The following MSH5 variants were observed in gnomAD, a reference collection of about 807,000 sequenced individuals.
The protein encoded by MSH5 is mutS homolog 5, also known as mutS protein homolog 5.
Under a neutral mutation model 107.7 loss-of-function variants are expected in MSH5, and 78 were observed. The ratio of observed to expected loss-of-function variants is 0.72; its 90% confidence interval spans 0.60 to 0.87. The LOEUF (loss-of-function observed/expected upper bound fraction) is 0.87, where lower values mean the gene tolerates loss of function less well. MSH5 is among the 40% of genes least tolerant of loss of function. The pLI is 0.00. For synonymous variants in MSH5, 326 were observed against 399.5 expected (o/e 0.82, Z 2.19); for missense variants, 889 against 1,046.6 (o/e 0.85, Z 2.08).
chr6:31,744,514 C>T (rs774336054), intron 7 of MSH5, 32 bp from the exon 8 acceptor site: 1 of 1,613,362 alleles, frequency 6.2e-7, no homozygotes, highest in Non-Finnish European at 8.5e-7. Context: ...CGAACTCAGA[C>T]TGCTTCCTGC....
At chr6:31,744,139 CCCCCAGGAGATTTAAGATTTA>C in intron 6 of MSH5, 30 bp from the exon 7 acceptor site, 1 of 1,593,374 alleles carries the variant, frequency 6.3e-7, no homozygotes, top group Non-Finnish European at 8.5e-7. Context: ...TGCTCTGCAG[CCCCCAGGAGATTTAAGATTTA>C]CCCCGATTCC....
At chr6:31,762,347 C>A in intron 24 of MSH5, 73 bp from the exon 25 acceptor site, 3 of 1,354,234 alleles carry the variant, frequency 2.2e-6, no homozygotes, top group Non-Finnish European at 3.2e-6. Flanking sequence ...TTCTGTGCCA[C>A]AGCCTCTCCC....
At chr6:31,749,316 T>C (rs1469645609) in intron 10 of MSH5, among the ~76,000 whole-genome samples, 1 of 151,718 alleles carries the variant, frequency 6.6e-6, no homozygotes, top group Admixed American at 6.6e-5. Flanking sequence ...CTGAGGTGGG[T>C]GGATGATTTG....
chr6:31,745,231 C>T lies in MSH5; in HGVS notation c.684-6C>T, dbSNP rs749157294. On this transcript the variant is annotated splice_region_variant and splice_polypyrimidine_tract_variant and intron_variant, in intron 8 of 24. Coordinates refer to ENST00000375750, the MANE Select transcript of MSH5 (RefSeq NM_172166.4). ...TACCCCAAACTCCTCCATTTCTCCTCGACAGTGTTCTACAGATTTTTAAGA... is the reference window on the plus strand; with the variant it reads ...TACCCCAAACTCCTCCATTTCTCCTTGACAGTGTTCTACAGATTTTTAAGA... 20 of 1,602,626 alleles carry T rather than the reference C, an allele frequency of 1.2e-5. No homozygotes were observed. The highest frequency in any genetic ancestry group is 5.4e-5 in the African/African-American group (4 of 74,608).
chr6:31,755,178 G>T (rs1288914460), intron 12 of MSH5, among the ~76,000 whole-genome samples: 1 of 151,678 alleles, frequency 6.6e-6, no homozygotes, highest in Non-Finnish European at 1.5e-5. Context: ...TTGAGACAGG[G>T]TCTCACTCTG....
intron 3 of MSH5, 147 bp from the exon 4 acceptor site, chr6:31,742,730 C>T (rs1433054883): frequency 2.9e-6 from 2 of 698,850 alleles, no homozygotes; most frequent in Non-Finnish European, 4.9e-6. Flanking sequence ...CAACTTCTAC[C>T]TGTGTTCCCA....
Position 31,760,045 on chromosome 6 carries a change from A to C in MSH5, c.1686-45A>C, listed in dbSNP as rs9461718. ...GGCTACATCTTCTGGGGGTTCATCT[A>C]TCTTGATCCACAAGCCATGCGAGGT... On this transcript the variant is annotated intron_variant, in intron 18 of 24. Transcript: ENST00000375750. This position sits in a 1 kb window ranked among gnomAD's most constrained non-coding sequence, Gnocchi z 5.6. 0.034 allele frequency: 53,857 copies of C among 1,607,274 alleles called. 1,399 individuals carry two copies. The highest frequency in any genetic ancestry group is 0.11 in the Middle Eastern group (686 of 6,028).
chr6:31,741,552 G>T (rs886824948), intron 3 of MSH5, among the ~76,000 whole-genome samples: 40 of 151,874 alleles, frequency 2.6e-4, no homozygotes, highest in Admixed American at 1.4e-3. Flanking sequence ...CTAGTTTTTT[G>T]TGTGTGTTTT....
chr6:31,746,656 G>A (rs1260654643), intron 9 of MSH5, among the ~76,000 whole-genome samples: 1 of 151,890 alleles, frequency 6.6e-6, no homozygotes, highest in African/African-American at 2.4e-5. Flanking sequence ...TCGCCATGTT[G>A]CCCAGGCTGG....
rs113127136 is a variant in MSH5 at position 31,744,614 on chromosome 6, G to T, written c.683+33G>T. 7.5e-6 allele frequency: 12 copies of T among 1,610,664 alleles called. 1 individual carries two copies. The African/African-American group carries it at 8.0e-5, about 11-fold the overall frequency. On this transcript the variant is annotated intron_variant, in intron 8 of 24. Transcript: ENST00000375750. ...GGTGGAGGCATGCTGCTGTCTCTGGGGAGGGAGAAGGATTAAGTTTAATGC... is the reference window on the plus strand; with the variant it reads ...GGTGGAGGCATGCTGCTGTCTCTGGTGAGGGAGAAGGATTAAGTTTAATGC...
chr6:31,758,927 T>C lies in MSH5; in HGVS notation c.1326+52T>C. The C allele has an allele frequency of 6.5e-7, 1 of 1,527,582 alleles. No individual in the cohort carries two copies. The highest frequency in any genetic ancestry group is 9.1e-7 in the Non-Finnish European group (1 of 1,102,122). The allele number at this position is 1,527,582 out of a possible 1,614,324, so 94.6% of individuals were successfully genotyped here. A position where few individuals can be genotyped will look rare whatever the true frequency, so the allele number is the denominator to read the frequency against. On this transcript the variant is annotated intron_variant, in intron 15 of 24. Coordinates refer to ENST00000375750, the MANE Select transcript of MSH5 (RefSeq NM_172166.4). This position sits in a 1 kb window ranked among gnomAD's most constrained non-coding sequence, Gnocchi z 5.1. ...TTCAGATGTCTTTTGGGGGAGATAT[T>C]AGGCTTATGAAAGACATACTGGTAG...
chr6:31,752,978 G>A (rs1393300111), intron 10 of MSH5, among the ~76,000 whole-genome samples: 1 of 152,196 alleles, frequency 6.6e-6, no homozygotes, highest in African/African-American at 2.4e-5. Flanking sequence ...GAGCTGCAGT[G>A]TTGGCACACA....
rs1810629495 is a variant in MSH5 at position 31,758,251 on chromosome 6, C to T, written c.1101C>T (p.Phe367=). The change falls in exon 13 of 25, where the codon TTC becomes TTT. Residue 367 remains phenylalanine, a synonymous_variant. Coordinates refer to ENST00000375750, the MANE Select transcript of MSH5 (RefSeq NM_172166.4). The surrounding 1 kb of genome is among the most constrained non-coding windows in gnomAD (Gnocchi z 5.1). ...TCTTTCGGGACATTGCCCAAGAGTTCTCTGATGACCTGCACCATATCGCCA... is the reference window on the plus strand; with the variant it reads ...TCTTTCGGGACATTGCCCAAGAGTTTTCTGATGACCTGCACCATATCGCCA... ...IQLFRDIAQE[F]SDDLHHIASL... The T allele has an allele frequency of 4.3e-6, 7 of 1,613,070 alleles. No homozygotes were observed. The highest frequency in any genetic ancestry group is 5.9e-6 in the Non-Finnish European group (7 of 1,180,038).
chr6:31,743,618 C>A, intron 5 of MSH5: 1 of 493,776 alleles, frequency 2.0e-6, no homozygotes, highest in Non-Finnish European at 3.5e-6. Context: ...CTATTAATAC[C>A]ATTATTTTGA....
chr6:31,742,957 G>A lies in MSH5; in HGVS notation c.352G>A (p.Ala118Thr), dbSNP rs1809046866. Residue 118 changes from alanine (A) to threonine (T), a missense_variant and splice_region_variant, in exon 4 of 25, where the codon GCC becomes ACC. Physicochemically the swap from Ala to Thr is moderately conservative, Grantham distance 58. Transcript: ENST00000375750. The part of the protein sequence containing the change: ...ENMTRFLGKL[A>T]SQEHREPKRP... ...TATGACTCGATTTCTGGGAAAGCTT[G>A]GTAAGGACTTGGTAAAGGATAGAGG... 6.2e-7 allele frequency: 1 copy of A among 1,612,828 alleles called. No homozygotes were observed.
At chr6:31,745,765 GTTTTTT>G (rs9279404) in intron 9 of MSH5, among the ~76,000 whole-genome samples, 1 of 120,972 alleles carries the variant, frequency 8.3e-6, no homozygotes. Context: ...TTGTGTCCAG[GTTTTTT>G]TTTTTTTTTT....
chr6:31,747,512 T>C (rs913394285), intron 10 of MSH5, 80 bp downstream of exon 10: 9 of 1,477,320 alleles, frequency 6.1e-6, no homozygotes, highest in Non-Finnish European at 5.6e-6. Context: ...CTAATGGCAG[T>C]ATACAGATTC....
chr6:31,761,796 C>T lies in MSH5; in HGVS notation c.2182-22C>T. The T allele has an allele frequency of 1.2e-6, 2 of 1,613,130 alleles. No individual in the cohort carries two copies. The highest frequency in any genetic ancestry group is 1.7e-6 in the Non-Finnish European group (2 of 1,180,028). ...CAGGAAGGAGGTGATTGATGATACA[C>T]TGTCTTTTATTCTCTTTTAAGACCA... On this transcript the variant is annotated intron_variant, in intron 22 of 24. Transcript: ENST00000375750. This position sits in a 1 kb window ranked among gnomAD's most constrained non-coding sequence, Gnocchi z 5.3.
At chr6:31,749,356 A>G (rs1380737673) in intron 10 of MSH5, among the ~76,000 whole-genome samples, 6 of 152,172 alleles carry the variant, frequency 3.9e-5, no homozygotes, top group Non-Finnish European at 7.4e-5. Flanking sequence ...AGCCTGGCCA[A>G]CTTGGTGAAA....
Sources: allele counts gnomAD v4.1 joint callset (sites outside exome capture counted in the v4.1 genomes callset), GRCh38; gene constraint gnomAD v4.1.1; non-coding constraint Gnocchi (gnomAD v3.1); transcripts MANE v1.5; gene names NCBI Gene and HGNC (gene_info 2026-07-23, HGNC 2026-07-21).